Variants in ST8SIA2 observed in about 807,000 individuals in gnomAD.
ST8SIA2 encodes the protein ST8 alpha-N-acetyl-neuraminide alpha-2,8-sialyltransferase 2, also known as alpha-2,8-sialyltransferase 8B.
Under a neutral mutation model 37.6 loss-of-function variants are expected in ST8SIA2, and 22 were observed. The observed-to-expected ratio is 0.58, with a 90% CI of 0.42 to 0.83. ST8SIA2 has a LOEUF of 0.83. ST8SIA2 is among the 40% of genes least tolerant of loss of function. The pLI is 0.00. For synonymous variants in ST8SIA2, 205 were observed against 201.2 expected, an observed-to-expected ratio of 1.02 and a Z score of -0.16; for missense variants, 382 against 484.7, an observed-to-expected ratio of 0.79 and a Z score of 1.99.
intron 2 of ST8SIA2, among the ~76,000 whole-genome samples, chr15:92,432,111 G>A (rs1416410360): frequency 6.6e-6 from 1 of 152,098 alleles, no homozygotes; most frequent in Non-Finnish European, 1.5e-5. Context: ...TCTCTGAGAA[G>A]CATCACCCTA....
rs1227748784 is a variant in ST8SIA2, at chr15:92,408,243, T to TA, written c.98+14082dup. Among the ~76,000 whole-genome samples the TA allele has an allele frequency of 5.3e-5, 8 of 151,932 alleles. No individual in the cohort carries two copies. The South Asian group carries it at 1.7e-3, about 32-fold the overall frequency. On this transcript the variant is annotated intron_variant, in intron 1 of 5. Coordinates refer to ENST00000268164, the MANE Select transcript of ST8SIA2 (RefSeq NM_006011.4). ...GTCCCACCGAGAGGGGAGGATGCCT[T>TA]AGGCCCAAGAAGACCTTTCACCCCT... is the stretch of plus-strand genomic sequence containing the variant.
rs1178933853 is a variant in ST8SIA2, at chr15:92,464,171, G to A, written c.914G>A (p.Arg305His). 7 of 1,587,850 alleles carry A rather than the reference G, an allele frequency of 4.4e-6. No homozygotes were observed. The East Asian group carries it at 6.9e-5, about 16-fold the overall frequency. ...CTCTTGATGTATACCCTGGCCACAC[G>A]TTTCTGCAAACAAATCTACCTCTAC... ...TGLLMYTLAT[R>H]FCKQIYLYGF... is the part of the protein sequence containing the mutation. The change falls in exon 6 of 6, where the codon CGT becomes CAT. Residue 305 changes from arginine (R) to histidine (H), a missense_variant. By Grantham distance (29) the Arg-to-His change is conservative. Coordinates refer to ENST00000268164, the MANE Select transcript of ST8SIA2 (RefSeq NM_006011.4).
At chr15:92,448,714 C>G (rs1037844934) in intron 5 of ST8SIA2, among the ~76,000 whole-genome samples, 1 of 152,124 alleles carries the variant, frequency 6.6e-6, no homozygotes, top group African/African-American at 2.4e-5. Flanking sequence ...TAAGACTTGT[C>G]CTATGGACTC....
chr15:92,438,270 G>A (rs916050123), intron 3 of ST8SIA2, 83 bp from the exon 4 acceptor site: 2 of 1,606,104 alleles, frequency 1.2e-6, no homozygotes, highest in Non-Finnish European at 1.7e-6. Context: ...ACCGTGCAGG[G>A]CGACCCTGGA....
At position 92,464,096 on chromosome 15, in the gene ST8SIA2, C is replaced by G. The variant is rs1375015257; in HGVS notation, c.843-4C>G. 2 of 739,276 alleles carry G rather than the reference C, an allele frequency of 2.7e-6. No individual in the cohort carries two copies. Among genetic ancestry groups the G allele is most frequent in the Non-Finnish European group, 3.5e-6 (2 of 573,716 alleles). 45.8% of individuals were successfully genotyped at this position (739,276 alleles called of 1,614,324 possible). ...TCTTTTTTTTTTTTTTTTTTTTTTT[C>G]CAGATACTGGCTGACCAACAAAGTC... On this transcript the variant is annotated splice_region_variant and splice_polypyrimidine_tract_variant and intron_variant, in intron 5 of 5. Coordinates refer to ENST00000268164, the MANE Select transcript of ST8SIA2 (RefSeq NM_006011.4).
chr15:92,411,210 A>G (rs2049546279), intron 1 of ST8SIA2, among the ~76,000 whole-genome samples: 1 of 152,230 alleles, frequency 6.6e-6, no homozygotes, highest in Non-Finnish European at 1.5e-5. Context: ...ATTTCAAAGG[A>G]TTCCCAAAGG....
intron 2 of ST8SIA2, among the ~76,000 whole-genome samples, chr15:92,433,391 A>T (rs903727365): frequency 3.9e-5 from 6 of 152,224 alleles, no homozygotes; most frequent in African/African-American, 1.4e-4. Context: ...GCTAACTCTT[A>T]CACTGCCTTT....
At chr15:92,433,427 T>C (rs1048183981) in intron 2 of ST8SIA2, among the ~76,000 whole-genome samples, 3 of 152,230 alleles carry the variant, frequency 2.0e-5, no homozygotes, top group Non-Finnish European at 4.4e-5. Flanking sequence ...ACCTAGTTTA[T>C]AGAAACCTAC....
At chr15:92,406,774 T>A (rs564654707) in intron 1 of ST8SIA2, among the ~76,000 whole-genome samples, 3 of 152,078 alleles carry the variant, frequency 2.0e-5, no homozygotes, top group African/African-American at 7.2e-5. Context: ...GGTGAGTAGA[T>A]CACTTGAGCC....
chr15:92,438,422 A>G lies in ST8SIA2; in HGVS notation c.360A>G (p.Gly120=). ...TCCTAAAGGGAACCCTGAAGCCTGGAGATATTATTCATTACATCTTCGATC... is the reference window on the plus strand; with the variant it reads ...TCCTAAAGGGAACCCTGAAGCCTGGGGATATTATTCATTACATCTTCGATC... ...ISVLKGTLKP[G]DIIHYIFDRD... Residue 120 remains glycine (G), a synonymous_variant, in exon 4 of 6, where the codon GGA becomes GGG. Coordinates refer to ENST00000268164, the MANE Select transcript of ST8SIA2 (RefSeq NM_006011.4). The G allele has an allele frequency of 6.2e-7, 1 of 1,614,222 alleles. No homozygotes were observed. The highest frequency in any genetic ancestry group is 8.5e-7 in the Non-Finnish European group (1 of 1,180,044).
intron 4 of ST8SIA2, 28 bp downstream of exon 4, chr15:92,438,638 G>T: frequency 6.3e-7 from 1 of 1,577,762 alleles, no homozygotes; most frequent in African/African-American, 1.4e-5. Context: ...GCACTCTGGG[G>T]CCAGAGCGGC....
chr15:92,421,860 G>A (rs1232029977), intron 1 of ST8SIA2, among the ~76,000 whole-genome samples: 1 of 152,178 alleles, frequency 6.6e-6, no homozygotes, highest in Non-Finnish European at 1.5e-5. Flanking sequence ...CCGTCATGAT[G>A]GCTGGAATAA....
At chr15:92,403,758 C>G (rs60862621) in intron 1 of ST8SIA2, among the ~76,000 whole-genome samples, 47,409 of 152,084 alleles carry the variant, frequency 0.31, 8,816 homozygotes, top group Middle Eastern at 0.41. Context: ...AGTAAAGGCC[C>G]TCCTACTGCA....
intron 4 of ST8SIA2, among the ~76,000 whole-genome samples, chr15:92,440,893 G>A (rs574109664): frequency 6.6e-6 from 1 of 152,314 alleles, no homozygotes; most frequent in East Asian, 1.9e-4. Context: ...CACACAACAG[G>A]GACACTAAGT....
chr15:92,416,168 G>C (rs56666888), intron 1 of ST8SIA2, among the ~76,000 whole-genome samples: 1 of 150,998 alleles, frequency 6.6e-6, no homozygotes, highest in Admixed American at 6.6e-5. Flanking sequence ...AGAGGGATGA[G>C]GGCACTGGCA....
intron 1 of ST8SIA2, among the ~76,000 whole-genome samples, chr15:92,400,892 C>A (rs2049465402): frequency 6.6e-6 from 1 of 152,164 alleles, no homozygotes; most frequent in African/African-American, 2.4e-5. Context: ...ATGCTGGAAA[C>A]TGAGTGTTAG....
chr15:92,458,678 G>C (rs1378852925), intron 5 of ST8SIA2, among the ~76,000 whole-genome samples: 20 of 152,224 alleles, frequency 1.3e-4, no homozygotes, highest in Non-Finnish European at 2.6e-4. Flanking sequence ...CAGCGGGAAA[G>C]GCAGGTGTGC....
In ST8SIA2 at chr15:92,451,857, C is replaced by T. The variant is rs547240865; in HGVS notation, c.842+6928C>T. On this transcript the variant is annotated intron_variant, in intron 5 of 5. Coordinates refer to ENST00000268164, the MANE Select transcript of ST8SIA2 (RefSeq NM_006011.4). ...GGGACAGATCCAGGTCTCCTCCCTG[C>T]TCCTGATCACCATCCATTTGCCCCT... Among the ~76,000 whole-genome samples, 4 of 152,334 alleles carry T rather than the reference C, an allele frequency of 2.6e-5. No homozygotes were observed. In the South Asian group the frequency reaches 8.3e-4, roughly 32 times the overall value.
intron 1 of ST8SIA2, among the ~76,000 whole-genome samples, chr15:92,415,040 G>A (rs190879141): frequency 6.6e-6 from 1 of 152,306 alleles, no homozygotes; most frequent in African/African-American, 2.4e-5. Flanking sequence ...TGGGGACGGA[G>A]GTCATGGCTG....
Sources: allele counts gnomAD v4.1 joint callset (sites outside exome capture counted in the v4.1 genomes callset), GRCh38; gene constraint gnomAD v4.1.1; transcripts MANE v1.5; gene names NCBI Gene and HGNC (gene_info 2026-07-23, HGNC 2026-07-21).